The following FSTL4 variants were observed in gnomAD, a reference collection of about 807,000 sequenced individuals.
The protein encoded by FSTL4 is follistatin like 4.
In FSTL4, 28 loss-of-function variants were observed where a neutral mutation model predicts 78.2. The observed-to-expected ratio is 0.36, with a 90% CI of 0.27 to 0.49. The LOEUF (loss-of-function observed/expected upper bound fraction) is 0.49, where lower values mean the gene tolerates loss of function less well. Ranked by LOEUF, FSTL4 falls within the 20% of genes least tolerant of loss-of-function variation. The probability of loss-of-function intolerance (pLI) is 0.98; values close to 1 mark genes in which losing one functional copy is unlikely to be tolerated. For missense variants in FSTL4, 922 were observed against 1,084.9 expected (o/e 0.85, Z 2.11); for synonymous variants, 422 against 440.5 (o/e 0.96, Z 0.53).
chr5:133,307,702 T>C (rs1480091242), intron 6 of FSTL4, among the ~76,000 whole-genome samples: 1 of 152,040 alleles, frequency 6.6e-6, no homozygotes, highest in East Asian at 1.9e-4. Flanking sequence ...GCCCTCTCTA[T>C]GTACTTGAAG....
chr5:133,722,775 G>A, the FSTL4 span, among the ~76,000 whole-genome samples: 1 of 152,126 alleles, frequency 6.6e-6, no homozygotes, highest in Admixed American at 6.5e-5. Context: ...TCTGCAGATG[G>A]GCCTGGGGCT....
the FSTL4 span, among the ~76,000 whole-genome samples, chr5:133,642,552 C>G: frequency 1.3e-5 from 2 of 152,296 alleles, no homozygotes; most frequent in South Asian, 4.1e-4. Flanking sequence ...CTTCTGTACA[C>G]CGCCCATGGA....
At chr5:133,672,801 C>T in the FSTL4 span, among the ~76,000 whole-genome samples, 8 of 152,110 alleles carry the variant, frequency 5.3e-5, no homozygotes, top group African/African-American at 1.9e-4. Context: ...GCTTGTGAAC[C>T]CAGGAAATCT....
intron 3 of FSTL4, among the ~76,000 whole-genome samples, chr5:133,488,621 T>C (rs996089362): frequency 2.0e-5 from 3 of 152,190 alleles, no homozygotes; most frequent in African/African-American, 4.8e-5. Context: ...ATGTGTAGGG[T>C]AGAAATCATG....
At position 133,400,972 on chromosome 5, in the gene FSTL4, T is replaced by G; in HGVS notation, c.175A>C (p.Asn59His). ...TTCCCGCAGGAGGCCAGCAGCTCGT[T>G]GTGGCTGGAAAGCCCTGCCAGACAC... Reference protein sequence around the residue: ...VTRREGLSSHNELLASCGKKF... With the variant: ...VTRREGLSSHHELLASCGKKF... The change falls in exon 4 of 16, where the codon AAC becomes CAC. Residue 59 changes from asparagine (N) to histidine (H), a missense_variant. Transcript: ENST00000265342. 1.2e-6 allele frequency: 2 copies of G among 1,613,150 alleles called. No individual in the cohort carries two copies. The highest frequency in any genetic ancestry group is 1.7e-6 in the Non-Finnish European group (2 of 1,180,026).
chr5:133,774,936 A>ATT, the FSTL4 span, among the ~76,000 whole-genome samples: 3 of 152,180 alleles, frequency 2.0e-5, no homozygotes, highest in Non-Finnish European at 4.4e-5. Context: ...GAAGTTTCTA[A>ATT]GAATGCAATA....
chr5:133,222,545 A>T (rs1051452757), intron 11 of FSTL4, among the ~76,000 whole-genome samples: 96 of 152,202 alleles, frequency 6.3e-4, no homozygotes, highest in African/African-American at 2.0e-3. Flanking sequence ...TGCTTAGAAA[A>T]TCGGTAGTTG....
intron 3 of FSTL4, among the ~76,000 whole-genome samples, chr5:133,549,008 C>T (rs946579009): frequency 6.6e-6 from 1 of 152,106 alleles, no homozygotes; most frequent in Non-Finnish European, 1.5e-5. Flanking sequence ...TGTTTTTTCT[C>T]TCTAGCTACT....
the FSTL4 span, among the ~76,000 whole-genome samples, chr5:133,746,169 C>T: frequency 6.6e-6 from 1 of 152,202 alleles, no homozygotes. Flanking sequence ...AGGCTTTGTC[C>T]TAGAGGATGT....
At chr5:133,754,851 T>C in the FSTL4 span, among the ~76,000 whole-genome samples, 61 of 152,192 alleles carry the variant, frequency 4.0e-4, 1 homozygote, top group African/African-American at 1.4e-3. Flanking sequence ...CTGGACACCA[T>C]CCACCTTTCC....
At chr5:133,525,838 C>T (rs983685151) in intron 3 of FSTL4, among the ~76,000 whole-genome samples, 1 of 152,210 alleles carries the variant, frequency 6.6e-6, no homozygotes, top group Non-Finnish European at 1.5e-5. Context: ...GACTTCTAGA[C>T]TGACTCCTGA....
At chr5:133,731,657 C>A in the FSTL4 span, among the ~76,000 whole-genome samples, 1 of 152,040 alleles carries the variant, frequency 6.6e-6, no homozygotes, top group East Asian at 1.9e-4. Context: ...TTATACTATG[C>A]CCTTGAAAGT....
chr5:133,691,517 C>G, the FSTL4 span, among the ~76,000 whole-genome samples: 1 of 152,110 alleles, frequency 6.6e-6, no homozygotes, highest in Admixed American at 6.5e-5. Context: ...AAGGCGTGGA[C>G]CTCCCACATC....
At chr5:133,466,425 C>T (rs1180344880) in intron 3 of FSTL4, among the ~76,000 whole-genome samples, 1 of 152,060 alleles carries the variant, frequency 6.6e-6, no homozygotes, top group African/African-American at 2.4e-5. Context: ...GCCTGTAGTC[C>T]CAGCTACTCG....
chr5:133,438,645 G>A (rs930785858), intron 3 of FSTL4, among the ~76,000 whole-genome samples: 11 of 152,228 alleles, frequency 7.2e-5, no homozygotes, highest in African/African-American at 2.4e-4. Flanking sequence ...GTGGGAGTTT[G>A]ACTAAGTAAA....
At chr5:133,660,507 T>G in the FSTL4 span, among the ~76,000 whole-genome samples, 1 of 152,214 alleles carries the variant, frequency 6.6e-6, no homozygotes, top group Non-Finnish European at 1.5e-5. Context: ...TATGGGGCTA[T>G]GGGCAGAACA....
intron 3 of FSTL4, among the ~76,000 whole-genome samples, chr5:133,564,782 G>C (rs1376634116): frequency 6.6e-6 from 1 of 152,160 alleles, no homozygotes; most frequent in Non-Finnish European, 1.5e-5. Context: ...GGAAGAGGGG[G>C]AAATAGGGCA....
chr5:133,528,726 T>A (rs1222182257), intron 3 of FSTL4, among the ~76,000 whole-genome samples: 2 of 152,182 alleles, frequency 1.3e-5, no homozygotes, highest in Admixed American at 6.5e-5. Flanking sequence ...TCCACACAGC[T>A]CCTTCCATCC....
At chr5:133,298,613 A>G (rs977792406) in intron 6 of FSTL4, among the ~76,000 whole-genome samples, 1 of 152,246 alleles carries the variant, frequency 6.6e-6, no homozygotes, top group Non-Finnish European at 1.5e-5. Flanking sequence ...TCAGAGCTGA[A>G]GCCCAAAAGC....
Sources: gnomAD v4.1 joint callset for allele counts (sites outside exome capture counted in the v4.1 genomes callset) on GRCh38, gnomAD v4.1.1 for gene constraint, MANE v1.5 for transcripts, NCBI Gene and HGNC (gene_info 2026-07-23, HGNC 2026-07-21) for gene names.